The following ARHGEF28 variants were observed in gnomAD, a reference collection of about 807,000 sequenced individuals.
The protein encoded by ARHGEF28 is 190 kDa guanine nucleotide exchange factor.
A neutral mutation model predicts 206.6 loss-of-function variants in ARHGEF28; 152 were observed. The ratio of observed to expected loss-of-function variants is 0.74; its 90% CI spans 0.64 to 0.84. The LOEUF is 0.84. ARHGEF28 is among the 40% of genes least tolerant of loss of function. The pLI is 0.00. For missense variants in ARHGEF28, 2,028 were observed against 2,073.2 expected (o/e 0.98, Z 0.42); for synonymous variants, 763 against 776.4 (o/e 0.98, Z 0.29).
intron 4 of ARHGEF28, among the ~76,000 whole-genome samples, chr5:73,762,693 T>G (rs1472855678): frequency 6.6e-6 from 1 of 152,192 alleles, no homozygotes; most frequent in Admixed American, 6.5e-5. Flanking sequence ...AGTCTTGATT[T>G]TTTTTTGTTG....
chr5:73,801,423 G>A (rs1449919542), intron 9 of ARHGEF28, among the ~76,000 whole-genome samples: 2 of 151,620 alleles, frequency 1.3e-5, no homozygotes. Flanking sequence ...CTCCAGCCTG[G>A]GCAACAGAGC....
At chr5:73,811,598 C>T (rs1350698743) in intron 9 of ARHGEF28, among the ~76,000 whole-genome samples, 3 of 152,192 alleles carry the variant, frequency 2.0e-5, no homozygotes, top group African/African-American at 7.2e-5. Flanking sequence ...TCCATATGGA[C>T]TAAAACTCTT....
At chr5:73,690,610 A>G (rs6881471) in intron 2 of ARHGEF28, among the ~76,000 whole-genome samples, 1,844 of 149,870 alleles carry the variant, frequency 0.012, 34 homozygotes, top group African/African-American at 0.043. Context: ...AGGTGGGAGG[A>G]TCACTTGAGC....
chr5:73,727,795 G>T (rs1322173855), intron 2 of ARHGEF28, among the ~76,000 whole-genome samples: 1 of 152,150 alleles, frequency 6.6e-6, no homozygotes, highest in Non-Finnish European at 1.5e-5. Flanking sequence ...AAAATGCAGT[G>T]CCTCTAATTG....
chr5:73,929,849 A>T (rs1764008179), intron 35 of ARHGEF28, among the ~76,000 whole-genome samples: 1 of 152,218 alleles, frequency 6.6e-6, no homozygotes, highest in African/African-American at 2.4e-5. Flanking sequence ...ACATATTTAT[A>T]TCTAAAAACA....
chr5:73,918,393 T>TGAA (rs1171226855), intron 35 of ARHGEF28, among the ~76,000 whole-genome samples: 1 of 149,430 alleles, frequency 6.7e-6, no homozygotes, highest in Non-Finnish European at 1.5e-5. Context: ...TTTCCTCCAC[T>TGAA]TAAGTGAGGA....
intron 2 of ARHGEF28, among the ~76,000 whole-genome samples, chr5:73,716,591 G>A (rs1749601105): frequency 6.6e-6 from 1 of 152,154 alleles, no homozygotes; most frequent in African/African-American, 2.4e-5. Flanking sequence ...TCAGGCCACT[G>A]TGTGTTTCAG....
chr5:73,910,154 G>A (rs914895557), intron 34 of ARHGEF28, among the ~76,000 whole-genome samples: 5 of 152,036 alleles, frequency 3.3e-5, no homozygotes, highest in African/African-American at 1.2e-4. Flanking sequence ...GCCGAGGCGG[G>A]AAGATCACCT....
chr5:73,705,734 T>C (rs1748889563), intron 2 of ARHGEF28, among the ~76,000 whole-genome samples: 1 of 152,202 alleles, frequency 6.6e-6, no homozygotes, highest in Admixed American at 6.5e-5. Context: ...GGAAATCCAG[T>C]CTCTGGCTAG....
Position 73,696,962 on chromosome 5 carries a change from G to A in ARHGEF28, c.33+12078G>A, listed in dbSNP as rs188710160. Among the ~76,000 whole-genome samples, 75 of 152,316 alleles carry A rather than the reference G, an allele frequency of 4.9e-4. 1 individual carries two copies. Among genetic ancestry groups the A allele is most frequent in the Admixed American group, 4.4e-3 (67 of 15,298 alleles). The stretch of plus-strand genomic sequence containing the variant: ...TTTTTGTATTCCAGCTGCACGAAGA[G>A]ATAGAGAGATGGTCCAGCAGGAAGG... On this transcript the variant is annotated intron_variant, in intron 2 of 35. Coordinates refer to ENST00000513042, the MANE Select transcript of ARHGEF28 (RefSeq NM_001177693.2).
chr5:73,868,360 G>A (rs1047232829), intron 20 of ARHGEF28, 133 bp downstream of exon 20: 1 of 1,165,554 alleles, frequency 8.6e-7, no homozygotes, highest in Non-Finnish European at 1.2e-6. Context: ...TGTCTCTTTG[G>A]TATAGGTTCT....
chr5:73,882,669 T>A, intron 23 of ARHGEF28, 75 bp downstream of exon 23: 2 of 1,298,594 alleles, frequency 1.5e-6, no homozygotes, highest in Non-Finnish European at 2.1e-6. Flanking sequence ...TCTTAATGAT[T>A]TAAACAAATT....
At chr5:73,839,806 T>A (rs756976793) in intron 10 of ARHGEF28, among the ~76,000 whole-genome samples, 17 of 152,238 alleles carry the variant, frequency 1.1e-4, no homozygotes, top group Non-Finnish European at 1.8e-4. Context: ...GCTATGTACG[T>A]GCACTTTATG....
intron 1 of ARHGEF28, among the ~76,000 whole-genome samples, chr5:73,653,523 G>T (rs539154111): frequency 6.6e-6 from 1 of 152,292 alleles, no homozygotes; most frequent in East Asian, 1.9e-4. Context: ...CATGCAAGGT[G>T]CCTAGTGAGG....
At chr5:73,828,595 T>TTTTCCTTTCTCC (rs1333209316) in intron 9 of ARHGEF28, among the ~76,000 whole-genome samples, 1 of 146,972 alleles carries the variant, frequency 6.8e-6, no homozygotes, top group African/African-American at 2.5e-5. Context: ...TTCCTTTCCT[T>TTTTCCTTTCTCC]TTTCCTTTCT....
At chr5:73,818,511 A>T (rs1281996774) in intron 9 of ARHGEF28, among the ~76,000 whole-genome samples, 1 of 152,190 alleles carries the variant, frequency 6.6e-6, no homozygotes, top group Non-Finnish European at 1.5e-5. Context: ...TGAGTAAGTC[A>T]CTAGAGAAAT....
chr5:73,692,614 C>A (rs1747901997), intron 2 of ARHGEF28, among the ~76,000 whole-genome samples: 1 of 152,096 alleles, frequency 6.6e-6, no homozygotes, highest in Non-Finnish European at 1.5e-5. Context: ...GAAACTCTAT[C>A]CTATTCAGCC....
intron 9 of ARHGEF28, among the ~76,000 whole-genome samples, chr5:73,804,571 ATACTTTATTTCGATTCCTCACTTTTT>A (rs2112504351): frequency 6.6e-6 from 1 of 152,308 alleles, no homozygotes; most frequent in South Asian, 2.1e-4. Context: ...ATAGGCTTAC[ATACTTTATTTCGATTCCTCACTTTTT>A]ACCTGATTTC....
chr5:73,916,779 T>A (rs761485739), intron 35 of ARHGEF28, among the ~76,000 whole-genome samples: 1 of 152,184 alleles, frequency 6.6e-6, no homozygotes, highest in Non-Finnish European at 1.5e-5. Context: ...GTTTTAGGTG[T>A]CATGAAAGCC....
Sources: gnomAD v4.1 joint callset for allele counts (sites outside exome capture counted in the v4.1 genomes callset) on GRCh38, gnomAD v4.1.1 for gene constraint, MANE v1.5 for transcripts, NCBI Gene and HGNC (gene_info 2026-07-23, HGNC 2026-07-21) for gene names.